The following DGKH variants were observed in gnomAD, a reference collection of about 807,000 sequenced individuals.
DGKH encodes the protein diacylglycerol kinase eta.
In DGKH, 90 loss-of-function variants were observed where a neutral mutation model predicts 159.3. The observed-to-expected ratio is 0.57, with a 90% CI of 0.48 to 0.67. The LOEUF (loss-of-function observed/expected upper bound fraction) is 0.67, where lower values mean the gene tolerates loss of function less well. DGKH is among the 30% of genes least tolerant of loss of function. The probability of loss-of-function intolerance (pLI) is 0.00; values close to 1 mark genes in which losing one functional copy is unlikely to be tolerated. For synonymous variants in DGKH, 536 were observed against 553.8 expected (o/e 0.97, Z 0.45); for missense variants, 1,181 against 1,506.1 (o/e 0.78, Z 3.57).
intron 17 of DGKH, among the ~76,000 whole-genome samples, chr13:42,196,263 T>G (rs978975534): frequency 1.3e-5 from 2 of 152,128 alleles, no homozygotes; most frequent in African/African-American, 2.4e-5. Context: ...AAGTTAAACA[T>G]AGAGTTTACA....
intron 17 of DGKH, chr13:42,195,895 A>G (rs1343426711): frequency 6.6e-6 from 1 of 152,242 alleles, no homozygotes; most frequent in Non-Finnish European, 1.5e-5. Context: ...TTTACAAATA[A>G]TATATCTGAT....
At chr13:42,080,042 G>T (rs1051091048) in intron 1 of DGKH, among the ~76,000 whole-genome samples, 2 of 152,016 alleles carry the variant, frequency 1.3e-5, no homozygotes, top group African/African-American at 2.4e-5. Flanking sequence ...ATTTTCTCAC[G>T]TTGCTTTTTC....
chr13:42,227,143 C>G (rs762123535), intron 29 of DGKH, among the ~76,000 whole-genome samples: 6 of 152,146 alleles, frequency 3.9e-5, no homozygotes, highest in Non-Finnish European at 5.9e-5. Context: ...GGATAAATAG[C>G]TAATGCCTGT....
chr13:42,214,712 A>G (rs1957745673), intron 25 of DGKH, 100 bp downstream of exon 25: 2 of 1,114,632 alleles, frequency 1.8e-6, no homozygotes, highest in Non-Finnish European at 2.5e-6. Flanking sequence ...ACAGAAAGTT[A>G]TGTTGTCTAT....
chr13:42,243,931 T>A (rs1958555467), downstream of DGKH, among the ~76,000 whole-genome samples: 1 of 151,838 alleles, frequency 6.6e-6, no homozygotes, highest in Non-Finnish European at 1.5e-5. Flanking sequence ...TGAAAGAAGT[T>A]TGAGTGAGAA....
rs1217424485 is a variant in DGKH, at chr13:42,230,463, T to G, written c.*1275T>G. 9 of 152,094 alleles carry G rather than the reference T, an allele frequency of 5.9e-5. No homozygotes were observed. The highest frequency in any genetic ancestry group is 1.2e-4 in the Non-Finnish European group (8 of 68,008). 9.4% of individuals were successfully genotyped at this position (152,094 alleles called of 1,614,324 possible). ...AGAAGTCAACATTACAATGATCAAA[T>G]CTTTGAAAGCCAAAGGCATACGTAT... On this transcript the variant is annotated 3_prime_UTR_variant, in exon 30 of 30. Coordinates refer to ENST00000337343, the MANE Select transcript of DGKH (RefSeq NM_178009.5).
intron 1 of DGKH, among the ~76,000 whole-genome samples, chr13:42,105,207 T>C (rs1425429685): frequency 6.6e-6 from 1 of 152,080 alleles, no homozygotes; most frequent in African/African-American, 2.4e-5. Flanking sequence ...AGGACCTTCT[T>C]GCTGTGACAT....
At chr13:42,087,044 AACACACACACACACACAC>A (rs71298957) in intron 1 of DGKH, among the ~76,000 whole-genome samples, 2 of 140,088 alleles carry the variant, frequency 1.4e-5, no homozygotes, top group East Asian at 2.1e-4. Flanking sequence ...CCAGAAGGAA[AACACACACACACACACAC>A]ACACACACAC....
At position 42,141,720 on chromosome 13, in the gene DGKH, A is replaced by G. The variant is rs1955566408; in HGVS notation, c.384+12088A>G. Among the ~76,000 whole-genome samples, 4 of 152,136 alleles carry G rather than the reference A, an allele frequency of 2.6e-5. No homozygotes were observed. In the South Asian group the frequency reaches 8.3e-4, roughly 32 times the overall value. On this transcript the variant is annotated intron_variant, in intron 3 of 29. Transcript: ENST00000337343. Reference sequence around the variant, plus strand: ...CTTCTTTTGAGAAGTGTCTGTTCATATCCTTCACCTACTTTTTGATGGGGT... The same window carrying G: ...CTTCTTTTGAGAAGTGTCTGTTCATGTCCTTCACCTACTTTTTGATGGGGT...
intron 25 of DGKH, 52 bp downstream of exon 25, chr13:42,214,664 C>T (rs919310542): frequency 1.3e-6 from 2 of 1,576,054 alleles, no homozygotes; most frequent in Non-Finnish European, 1.7e-6. Context: ...GGGTGTTACA[C>T]ATGTATTTTA....
At chr13:42,151,504 T>TATACATATAA (rs1955884728) in intron 3 of DGKH, among the ~76,000 whole-genome samples, 1 of 133,408 alleles carries the variant, frequency 7.5e-6, no homozygotes, top group Non-Finnish European at 1.6e-5. Flanking sequence ...TGTGTGTGTG[T>TATACATATAA]GTATACACAT....
At chr13:42,192,219 T>A (rs1957089428) in intron 16 of DGKH, among the ~76,000 whole-genome samples, 1 of 152,184 alleles carries the variant, frequency 6.6e-6, no homozygotes. Flanking sequence ...GGACCTCACA[T>A]GTTCAGCATA....
intron 1 of DGKH, among the ~76,000 whole-genome samples, chr13:42,080,072 ATTCT>A (rs1393784923): frequency 1.6e-4 from 24 of 152,290 alleles, no homozygotes; most frequent in African/African-American, 5.3e-4. Flanking sequence ...AACCTGAAAA[ATTCT>A]TTCTTTATCT....
rs1958408876 is a variant in DGKH, at chr13:42,236,149, CAAA to C, written c.*6963_*6965del. The C allele has an allele frequency of 6.6e-6, 1 of 152,142 alleles. No homozygotes were observed. The highest frequency in any genetic ancestry group is 2.4e-5 in the African/African-American group (1 of 41,448). The allele number at this position is 152,142 out of a possible 1,614,324, so 9.4% of individuals were successfully genotyped here. On this transcript the variant is annotated 3_prime_UTR_variant, in exon 30 of 30. Coordinates refer to ENST00000337343, the MANE Select transcript of DGKH (RefSeq NM_178009.5). ...AACAGACAGTATTACTTGTAATCAT[CAAA>C]AGAAGGTTTCCACAAGTTGTATAAA... is the stretch of plus-strand genomic sequence containing the variant.
intron 3 of DGKH, among the ~76,000 whole-genome samples, chr13:42,154,383 A>C (rs1331276637): frequency 6.6e-6 from 1 of 152,236 alleles, no homozygotes; most frequent in Non-Finnish European, 1.5e-5. Context: ...TGAGATTCCA[A>C]CCAGAATATT....
At chr13:42,087,378 T>C (rs920761217) in intron 1 of DGKH, among the ~76,000 whole-genome samples, 1 of 152,176 alleles carries the variant, frequency 6.6e-6, no homozygotes, top group African/African-American at 2.4e-5. Flanking sequence ...GTAACATTAA[T>C]AATGTTGAAT....
At chr13:42,252,397 C>G (rs1197300255) in intron 29 of DGKH, 1 of 152,022 alleles carries the variant, frequency 6.6e-6, no homozygotes, top group Non-Finnish European at 1.5e-5. Flanking sequence ...GAATTTTATT[C>G]TATTTTTTTA....
At position 42,230,988 on chromosome 13, in the gene DGKH, A is replaced by G. The variant is rs1157655713; in HGVS notation, c.*1800A>G. On this transcript the variant is annotated 3_prime_UTR_variant, in exon 30 of 30. Transcript: ENST00000337343. ...GACCCTGAGGGATTCCTGACCAAGT[A>G]TGTCTGACTATATATTTTACCTAAG... The G allele has an allele frequency of 6.6e-6, 1 of 152,198 alleles. No homozygotes were observed. Among genetic ancestry groups the G allele is most frequent in the Non-Finnish European group, 1.5e-5 (1 of 68,028 alleles). The allele number at this position is 152,198 out of a possible 1,614,324, so 9.4% of individuals were successfully genotyped here.
intron 1 of DGKH, among the ~76,000 whole-genome samples, chr13:42,072,333 A>C (rs950883610): frequency 6.6e-6 from 1 of 152,212 alleles, no homozygotes; most frequent in Non-Finnish European, 1.5e-5. Flanking sequence ...ACCCAGCCTT[A>C]TCTCTGAAAT....
Sources: gnomAD v4.1 joint callset for allele counts (sites outside exome capture counted in the v4.1 genomes callset) on GRCh38, gnomAD v4.1.1 for gene constraint, MANE v1.5 for transcripts, NCBI Gene and HGNC (gene_info 2026-07-23, HGNC 2026-07-21) for gene names.